Variants in ZNF69 observed in about 807,000 individuals in gnomAD.
ZNF69 encodes zinc finger protein 69.
ZNF69 carries 47 observed loss-of-function variants against 50.9 expected under a neutral mutation model. That is an observed-to-expected ratio of 0.92 (90% CI 0.73 to 1.18). The LOEUF is 1.18. ZNF69 is among the 50% of genes most tolerant of loss of function. The pLI, the probability that ZNF69 is intolerant of heterozygous loss-of-function variation, is 0.00. For missense variants in ZNF69, 717 were observed against 675.1 expected (o/e 1.06, Z -0.69); for synonymous variants, 216 against 223.1 (o/e 0.97, Z 0.29).
chr19:11,922,364 GTCTTCGTTCAGTCC>G, the ZNF69 span, among the ~76,000 whole-genome samples: 14 of 152,270 alleles, frequency 9.2e-5, no homozygotes, highest in African/African-American at 3.4e-4. Flanking sequence ...ACCCCACTTT[GTCTTCGTTCAGTCC>G]TCAGCTTTTT....
the ZNF69 span, among the ~76,000 whole-genome samples, chr19:11,966,176 C>T: frequency 6.6e-6 from 1 of 152,166 alleles, no homozygotes; most frequent in African/African-American, 2.4e-5. Context: ...CACAAGGAGT[C>T]TGTTTTTCCA....
At chr19:11,922,057 G>A in the ZNF69 span, among the ~76,000 whole-genome samples, 1 of 151,480 alleles carries the variant, frequency 6.6e-6, no homozygotes, top group Non-Finnish European at 1.5e-5. Flanking sequence ...AGAAGATAAC[G>A]ATGTCCAAAT....
the ZNF69 span, among the ~76,000 whole-genome samples, chr19:11,968,797 A>T: frequency 6.6e-6 from 1 of 152,106 alleles, no homozygotes; most frequent in Non-Finnish European, 1.5e-5. Flanking sequence ...AGGCAGGTGG[A>T]TGGCTTGATC....
chr19:11,949,939 G>A, the ZNF69 span: 9 of 1,614,004 alleles, frequency 5.6e-6, no homozygotes, highest in African/African-American at 1.2e-4. Flanking sequence ...TCAGATGCAT[G>A]AAAGGACTCA....
chr19:11,945,665 A>ACCAG, the ZNF69 span, among the ~76,000 whole-genome samples: 4 of 151,986 alleles, frequency 2.6e-5, no homozygotes, highest in African/African-American at 9.7e-5. Context: ...ACTTAGCCAG[A>ACCAG]GCTGGTCTTA....
chr19:11,919,013 A>G (rs977092074), downstream of ZNF69, among the ~76,000 whole-genome samples: 1 of 151,138 alleles, frequency 6.6e-6, no homozygotes, highest in Non-Finnish European at 1.5e-5. Flanking sequence ...CTCCTGCCTC[A>G]GCCTCCTGAG....
At chr19:11,948,595 G>A in the ZNF69 span, 1 of 1,608,318 alleles carries the variant, frequency 6.2e-7, no homozygotes, top group Non-Finnish European at 8.5e-7. Flanking sequence ...TCACACTGGA[G>A]AGAAACCCTA....
At chr19:11,970,418 T>A in the ZNF69 span, among the ~76,000 whole-genome samples, 1 of 152,174 alleles carries the variant, frequency 6.6e-6, no homozygotes, top group Non-Finnish European at 1.5e-5. Context: ...TTTCTTCTGT[T>A]ATAACAACGT....
chr19:11,896,083 A>T (rs181982550), intron 1 of ZNF69, among the ~76,000 whole-genome samples: 5 of 151,958 alleles, frequency 3.3e-5, no homozygotes, highest in Admixed American at 3.3e-4. Flanking sequence ...GTCAAGCGTG[A>T]TGGTGCATGG....
the ZNF69 span, among the ~76,000 whole-genome samples, chr19:11,940,281 T>C: frequency 6.6e-6 from 1 of 152,184 alleles, no homozygotes; most frequent in African/African-American, 2.4e-5. Context: ...GTGTCCGGAA[T>C]TGGTGGGTTC....
At chr19:11,890,334 G>A (rs1977055141) in intron 1 of ZNF69, among the ~76,000 whole-genome samples, 1 of 152,194 alleles carries the variant, frequency 6.6e-6, no homozygotes, top group Non-Finnish European at 1.5e-5. Context: ...CTGTGCCCCT[G>A]GTTAACCGAG....
Position 11,905,092 on chromosome 19 carries a change from T to TTATATCCATTGTC in ZNF69, c.695_696insTATATCCATTGTC (p.Ser233IlefsTer11). The TTATATCCATTGTC allele has an allele frequency of 6.2e-7, 1 of 1,614,168 alleles. No individual in the cohort carries two copies. The highest frequency in any genetic ancestry group is 2.2e-5 in the East Asian group (1 of 44,878). ...TTTTGTGGGAAAGCCTTCCATTGTC[T>TTATATCCATTGTC]CAGTTTATATCTTATCCATGAAAGA... On this transcript the variant is annotated frameshift_variant, in exon 4 of 4. Coordinates refer to ENST00000429654, the MANE Select transcript of ZNF69 (RefSeq NM_001364730.1). LOFTEE classifies it high-confidence loss of function.
In ZNF69 at chr19:11,906,137, T is replaced by A; in HGVS notation, c.*39T>A. ...GATCTGCCTCACACCTTTGAATGCA[T>A]GGTAGGACACACAATCAAGAGAAAC... On this transcript the variant is annotated 3_prime_UTR_variant, in exon 4 of 4. Transcript: ENST00000429654. 1 of 1,596,328 alleles carries A rather than the reference T, an allele frequency of 6.3e-7. No homozygotes were observed. Among genetic ancestry groups the A allele is most frequent in the Non-Finnish European group, 8.5e-7 (1 of 1,174,428 alleles).
intron 1 of ZNF69, among the ~76,000 whole-genome samples, chr19:11,893,288 T>C (rs1445116019): frequency 6.6e-6 from 1 of 152,234 alleles, no homozygotes; most frequent in East Asian, 1.9e-4. Context: ...CTTCGGACAC[T>C]GCATACAGTT....
the ZNF69 span, chr19:11,946,957 C>T: frequency 2.1e-5 from 18 of 873,500 alleles, no homozygotes; most frequent in Non-Finnish European, 2.8e-5. Context: ...CATTGTACTC[C>T]AGCCTGGGCA....
chr19:11,949,656 C>G, the ZNF69 span: 1 of 1,613,434 alleles, frequency 6.2e-7, no homozygotes, highest in Non-Finnish European at 8.5e-7. Context: ...GTGGTAAAGC[C>G]TTCAGATGTT....
chr19:11,913,835 T>C (rs1972493945), exon 5 of ZNF69: 1 of 154,008 alleles, frequency 6.5e-6, no homozygotes. Context: ...AAGCCATAAA[T>C]GACTGTGAGA....
Position 11,900,421 on chromosome 19 carries a change from C to CGGCT in ZNF69, c.64-3151_64-3148dup, listed in dbSNP as rs907858597. On this transcript the variant is annotated intron_variant, in intron 1 of 3. Coordinates refer to ENST00000429654, the MANE Select transcript of ZNF69 (RefSeq NM_001364730.1). Reference sequence around the variant, plus strand: ...AGGCTGGAGGGCAGTGGCGTGATCTCGGCTCACTGCAACCTCTGTCTCCTG... The same window carrying CGGCT: ...AGGCTGGAGGGCAGTGGCGTGATCTCGGCTGGCTCACTGCAACCTCTGTCTCCTG... 2.3e-4 allele frequency among the ~76,000 whole-genome samples: 35 copies of CGGCT among 151,350 alleles called. No homozygotes were observed. In the South Asian group the frequency reaches 4.0e-3, roughly 17 times the overall value.
the ZNF69 span, among the ~76,000 whole-genome samples, chr19:11,931,001 A>G: frequency 7.0e-6 from 1 of 142,334 alleles, no homozygotes. Context: ...TTCCGTCTCA[A>G]AAAAAAAAAA....
Sources: allele counts gnomAD v4.1 joint callset (sites outside exome capture counted in the v4.1 genomes callset), GRCh38; gene constraint gnomAD v4.1.1; transcripts MANE v1.5; gene names NCBI Gene and HGNC (gene_info 2026-07-23, HGNC 2026-07-21).